The following ACOXL variants were observed in gnomAD, a reference collection of about 807,000 sequenced individuals.
ACOXL encodes acyl-coenzyme A oxidase-like protein.
In ACOXL, 70 loss-of-function variants were observed where a neutral mutation model predicts 71.9. The ratio of observed to expected loss-of-function variants is 0.97; its 90% CI spans 0.80 to 1.19. The LOEUF (loss-of-function observed/expected upper bound fraction) is 1.19, where lower values mean the gene tolerates loss of function less well. Among genes scored for constraint, ACOXL ranks in the 50% most tolerant of loss-of-function variants. The pLI is 0.00. For missense variants in ACOXL, 703 were observed against 736.3 expected (o/e 0.95, Z 0.52); for synonymous variants, 253 against 281.6 (o/e 0.90, Z 1.02).
intron 10 of ACOXL, among the ~76,000 whole-genome samples, chr2:110,850,302 T>C (rs189037659): frequency 6.6e-6 from 1 of 152,260 alleles, no homozygotes; most frequent in East Asian, 1.9e-4. Flanking sequence ...TGAAAAACAC[T>C]GCAAAGAAAT....
At chr2:111,018,709 G>GGC (rs1463663379) in intron 14 of ACOXL, among the ~76,000 whole-genome samples, 1 of 78,692 alleles carries the variant, frequency 1.3e-5, no homozygotes, top group Non-Finnish European at 3.1e-5. Context: ...CAGAGAGGCT[G>GGC]GAGGGGGTGT....
At chr2:110,956,982 C>G (rs535453398) in intron 12 of ACOXL, among the ~76,000 whole-genome samples, 1 of 152,242 alleles carries the variant, frequency 6.6e-6, no homozygotes. Context: ...CTCTTGCTTC[C>G]CAGAGCCCAG....
chr2:110,835,324 A>G (rs1466880043), intron 9 of ACOXL, among the ~76,000 whole-genome samples: 3 of 152,242 alleles, frequency 2.0e-5, no homozygotes, highest in Non-Finnish European at 2.9e-5. Flanking sequence ...AGTAAGCTCC[A>G]TAGTGAACAT....
At position 111,084,359 on chromosome 2, in the gene ACOXL, G is replaced by A. The variant is rs1398792165; in HGVS notation, c.1441-8506G>A. Among the ~76,000 whole-genome samples, 6 of 150,430 alleles carry A rather than the reference G, an allele frequency of 4.0e-5. No homozygotes were observed. The Admixed American group carries it at 4.0e-4, about 10-fold the overall frequency. On this transcript the variant is annotated intron_variant, in intron 16 of 17. Coordinates refer to ENST00000439055, the MANE Select transcript of ACOXL (RefSeq NM_001142807.4). ...ACATTTGTCCAAATATAAACACAAA[G>A]CATTTAATAAATGTCAGTAGGGCCA...
intron 15 of ACOXL, among the ~76,000 whole-genome samples, chr2:111,046,171 C>T (rs992048338): frequency 1.3e-5 from 2 of 152,222 alleles, no homozygotes; most frequent in African/African-American, 4.8e-5. Flanking sequence ...AGTGCAGACT[C>T]ACTGCCAGCA....
At chr2:110,951,033 A>T (rs2061315277) in intron 12 of ACOXL, among the ~76,000 whole-genome samples, 1 of 152,116 alleles carries the variant, frequency 6.6e-6, no homozygotes, top group Non-Finnish European at 1.5e-5. Flanking sequence ...CCACACTCTG[A>T]GATGGTGTTT....
Position 110,901,484 on chromosome 2 carries a change from G to A in ACOXL, c.789-7305G>A, listed in dbSNP as rs189081491. ...TCTGGGGTGGTTGGATTGATAGACT[G>A]TTGAGGGTTGGGAGGAAAAGAGGTG... On this transcript the variant is annotated intron_variant, in intron 10 of 17. Transcript: ENST00000439055. 1.6e-3 allele frequency among the ~76,000 whole-genome samples: 243 copies of A among 152,312 alleles called. 1 individual carries two copies. The highest frequency in any genetic ancestry group is 8.1e-4 in the Non-Finnish European group (55 of 68,030).
intron 16 of ACOXL, among the ~76,000 whole-genome samples, chr2:111,081,735 A>G (rs1410529366): frequency 6.6e-6 from 1 of 152,236 alleles, no homozygotes; most frequent in African/African-American, 2.4e-5. Flanking sequence ...AGCAAAAGGA[A>G]CAAAGCTGGA....
chr2:110,833,229 C>T (rs926075187), intron 9 of ACOXL, among the ~76,000 whole-genome samples: 1 of 152,168 alleles, frequency 6.6e-6, no homozygotes, highest in Admixed American at 6.5e-5. Context: ...TACCATGGAA[C>T]ACTGCTCAGC....
intron 10 of ACOXL, among the ~76,000 whole-genome samples, chr2:110,902,664 T>TA (rs1301690001): frequency 1.3e-5 from 2 of 152,198 alleles, no homozygotes; most frequent in East Asian, 3.9e-4. Flanking sequence ...GCCAGATGTT[T>TA]ACATCCTGGC....
At position 110,946,156 on chromosome 2, in the gene ACOXL, G is replaced by A. The variant is rs549463277; in HGVS notation, c.1059+12514G>A. On this transcript the variant is annotated intron_variant, in intron 12 of 17. Coordinates refer to ENST00000439055, the MANE Select transcript of ACOXL (RefSeq NM_001142807.4). ...ATTCTTTTTGTGGCAATTGTGAATA[G>A]CACTGCCTTTCTGATTTGGCTCTCA... is the stretch of plus-strand genomic sequence containing the variant. 5.3e-5 allele frequency among the ~76,000 whole-genome samples: 8 copies of A among 152,314 alleles called. No homozygotes were observed. In the South Asian group the frequency reaches 1.4e-3, roughly 28 times the overall value.
intron 5 of ACOXL, among the ~76,000 whole-genome samples, chr2:110,798,103 G>T (rs1029287963): frequency 5.3e-5 from 8 of 152,132 alleles, no homozygotes; most frequent in Admixed American, 3.3e-4. Context: ...CAAAGCTGAG[G>T]TGGAGGTGAA....
chr2:111,118,101 A>G lies in ACOXL; in HGVS notation c.*285A>G. ...CCAACTTCAGTGCCGGATCCCCTAG[A>G]CAATCAGGGTGGGCTCCCCGCTGCG... On this transcript the variant is annotated 3_prime_UTR_variant, in exon 18 of 18. Transcript: ENST00000439055. 1.9e-6 allele frequency: 1 copy of G among 532,272 alleles called. No individual in the cohort carries two copies. The highest frequency in any genetic ancestry group is 3.3e-6 in the Non-Finnish European group (1 of 298,996). 33.0% of individuals were successfully genotyped at this position (532,272 alleles called of 1,614,324 possible). A position where few individuals can be genotyped will look rare whatever the true frequency, so the allele number is the denominator to read the frequency against.
intron 9 of ACOXL, among the ~76,000 whole-genome samples, chr2:110,807,935 C>T (rs939885466): frequency 2.0e-5 from 3 of 152,142 alleles, no homozygotes; most frequent in Admixed American, 6.5e-5. Context: ...TGAGCGTGCC[C>T]GGTCATTTTA....
At chr2:110,891,530 GT>G (rs1670613249) in intron 10 of ACOXL, among the ~76,000 whole-genome samples, 1 of 151,546 alleles carries the variant, frequency 6.6e-6, no homozygotes, top group South Asian at 2.1e-4. Flanking sequence ...AAGACCTTTT[GT>G]CACACTGAGC....
intron 14 of ACOXL, among the ~76,000 whole-genome samples, chr2:111,015,272 TG>T (rs1296173304): frequency 6.6e-6 from 1 of 152,184 alleles, no homozygotes; most frequent in Admixed American, 6.5e-5. Flanking sequence ...AATGCAATAA[TG>T]TATAGATACA....
intron 12 of ACOXL, among the ~76,000 whole-genome samples, chr2:110,957,463 TG>T (rs2061541821): frequency 6.6e-6 from 1 of 152,142 alleles, no homozygotes; most frequent in Admixed American, 6.6e-5. Flanking sequence ...ATAGACTGGG[TG>T]GATTACACAA....
At chr2:111,083,169 A>G (rs2068017601) in intron 16 of ACOXL, among the ~76,000 whole-genome samples, 1 of 152,094 alleles carries the variant, frequency 6.6e-6, no homozygotes, top group African/African-American at 2.4e-5. Context: ...GTATCCCAGA[A>G]CTTAAATTAT....
At chr2:110,813,988 G>A (rs1013745304) in intron 9 of ACOXL, among the ~76,000 whole-genome samples, 8 of 152,150 alleles carry the variant, frequency 5.3e-5, no homozygotes, top group East Asian at 3.8e-4. Flanking sequence ...GGGTCCGGCC[G>A]TTACCCAATG....
Sources: allele counts gnomAD v4.1 joint callset (sites outside exome capture counted in the v4.1 genomes callset), GRCh38; gene constraint gnomAD v4.1.1; transcripts MANE v1.5; gene names NCBI Gene and HGNC (gene_info 2026-07-23, HGNC 2026-07-21).